UNC79: variants seen among roughly 807,000 people sequenced by gnomAD.
UNC79 encodes the protein protein unc-79 homolog.
Under a neutral mutation model 283.1 loss-of-function variants are expected in UNC79, and 37 were observed. The observed-to-expected ratio is 0.13, with a 90% CI of 0.10 to 0.17. The LOEUF is 0.17. UNC79 is among the 10% of genes least tolerant of loss of function. The probability of loss-of-function intolerance (pLI) is 1.00; values close to 1 mark genes in which losing one functional copy is unlikely to be tolerated. For synonymous variants in UNC79, 1,107 were observed against 1,200.2 expected (o/e 0.92, Z 1.61); for missense variants, 2,272 against 3,211.1 (o/e 0.71, Z 7.07).
intron 1 of UNC79, among the ~76,000 whole-genome samples, chr14:93,431,257 A>G (rs2055864417): frequency 6.6e-6 from 1 of 151,836 alleles, no homozygotes; most frequent in African/African-American, 2.4e-5. Flanking sequence ...GCTGAAAAAT[A>G]ATACGGTCTT....
intron 5 of UNC79, among the ~76,000 whole-genome samples, chr14:93,493,840 G>A (rs1191798283): frequency 1.4e-5 from 2 of 146,212 alleles, no homozygotes; most frequent in Non-Finnish European, 3.0e-5. Context: ...TTACATGGCT[G>A]GAGCAGGAGG....
intron 1 of UNC79, among the ~76,000 whole-genome samples, chr14:93,424,098 C>T (rs531926069): frequency 3.3e-5 from 5 of 152,042 alleles, no homozygotes; most frequent in African/African-American, 7.2e-5. Flanking sequence ...AAATGGCAAA[C>T]GGGCATATGA....
At chr14:93,649,558 A>G in intron 35 of UNC79, among the ~76,000 whole-genome samples, 1 of 152,144 alleles carries the variant, frequency 6.6e-6, no homozygotes, top group East Asian at 1.9e-4. Context: ...TTTTGTATAC[A>G]GTTGTTTCTT....
rs566926758 is a variant in UNC79, at chr14:93,623,109, T to A, written c.5608+268T>A. Among the ~76,000 whole-genome samples, 2 of 152,350 alleles carry A rather than the reference T, an allele frequency of 1.3e-5. 1 individual carries two copies. The highest frequency in any genetic ancestry group is 4.8e-5 in the African/African-American group (2 of 41,582). On this transcript the variant is annotated intron_variant, in intron 30 of 48. Coordinates refer to ENST00000555664, the Ensembl canonical transcript of UNC79. ...TGACCACCCTTGGCAATGAGATGCATTGGTTAATTCGTATCAGGATAATCC... is the reference window on the plus strand; with the variant it reads ...TGACCACCCTTGGCAATGAGATGCAATGGTTAATTCGTATCAGGATAATCC...
chr14:93,405,891 A>G (rs904716748), intron 1 of UNC79, among the ~76,000 whole-genome samples: 1 of 152,220 alleles, frequency 6.6e-6, no homozygotes, highest in Non-Finnish European at 1.5e-5. Context: ...ACTTTCCCCA[A>G]TATCAGAAGA....
At chr14:93,630,027 G>A (rs978185237) in intron 30 of UNC79, among the ~76,000 whole-genome samples, 2 of 152,198 alleles carry the variant, frequency 1.3e-5, no homozygotes, top group African/African-American at 4.8e-5. Context: ...TCCCATTACT[G>A]ATAGGTTAAT....
At chr14:93,344,080 C>T (rs761145639) in intron 1 of UNC79, among the ~76,000 whole-genome samples, 1 of 152,112 alleles carries the variant, frequency 6.6e-6, no homozygotes, top group Non-Finnish European at 1.5e-5. Context: ...TTGGAGTCAC[C>T]ACTGTCGAAA....
At chr14:93,432,841 G>A (rs868423992) in intron 1 of UNC79, among the ~76,000 whole-genome samples, 14 of 152,240 alleles carry the variant, frequency 9.2e-5, no homozygotes, top group African/African-American at 2.9e-4. Context: ...TACATATTAC[G>A]TAAGTAATTT....
chr14:93,651,347 A>T (rs2070236243), intron 35 of UNC79, among the ~76,000 whole-genome samples: 1 of 152,216 alleles, frequency 6.6e-6, no homozygotes, highest in African/African-American at 2.4e-5. Context: ...GTATTGAAAG[A>T]ACAAATCAAT....
chr14:93,506,842 C>T lies in UNC79; in HGVS notation c.898+9556C>T, dbSNP rs374019906. Among the ~76,000 whole-genome samples the T allele has an allele frequency of 7.9e-5, 12 of 152,176 alleles. No homozygotes were observed. The South Asian group carries it at 2.3e-3, about 29-fold the overall frequency. On this transcript the variant is annotated intron_variant, in intron 7 of 48. Coordinates refer to ENST00000555664, the Ensembl canonical transcript of UNC79. Reference sequence around the variant, plus strand: ...GACAAATGTATAATGCTCATGTAGTCGTCATCCAAAAAAGACAATGGAATG... The same window carrying T: ...GACAAATGTATAATGCTCATGTAGTTGTCATCCAAAAAAGACAATGGAATG...
chr14:93,505,075 G>C (rs548314083), intron 7 of UNC79, among the ~76,000 whole-genome samples: 6 of 152,006 alleles, frequency 3.9e-5, no homozygotes, highest in Non-Finnish European at 8.8e-5. Context: ...TTTTGTAAAT[G>C]TTCCTGTGTA....
At chr14:93,442,657 T>G (rs1287457269) in intron 1 of UNC79, among the ~76,000 whole-genome samples, 1 of 152,222 alleles carries the variant, frequency 6.6e-6, no homozygotes, top group Non-Finnish European at 1.5e-5. Context: ...ACATACATAT[T>G]AAGATACGTC....
chr14:93,583,643 G>A (rs1315469580), intron 20 of UNC79, among the ~76,000 whole-genome samples: 2 of 152,158 alleles, frequency 1.3e-5, no homozygotes, highest in Non-Finnish European at 1.5e-5. Flanking sequence ...TTTTCGGTGT[G>A]CACTTCTTGA....
chr14:93,667,857 A>T (rs1271824526), intron 40 of UNC79, among the ~76,000 whole-genome samples: 1 of 152,228 alleles, frequency 6.6e-6, no homozygotes, highest in Non-Finnish European at 1.5e-5. Flanking sequence ...AAATGTTTAA[A>T]TATTAGAACA....
intron 1 of UNC79, among the ~76,000 whole-genome samples, chr14:93,334,361 G>A (rs1281080587): frequency 6.6e-6 from 1 of 152,230 alleles, no homozygotes; most frequent in East Asian, 1.9e-4. Flanking sequence ...AAGGTTTGGA[G>A]ATTGTAGCAG....
intron 18 of UNC79, 27 bp from the exon 19 acceptor site, chr14:93,580,122 G>C: frequency 1.9e-6 from 3 of 1,582,420 alleles, no homozygotes; most frequent in South Asian, 1.1e-5. Context: ...GTGTGTGTGC[G>C]TGTGTCCTTT....
intron 24 of UNC79, among the ~76,000 whole-genome samples, chr14:93,600,132 G>A (rs552634710): frequency 5.3e-4 from 80 of 152,064 alleles, no homozygotes; most frequent in Non-Finnish European, 2.8e-4. Flanking sequence ...CCCGGGAGGC[G>A]GAGGTTGCAG....
intron 27 of UNC79, among the ~76,000 whole-genome samples, chr14:93,615,829 C>T (rs757158428): frequency 4.0e-5 from 6 of 150,484 alleles, no homozygotes; most frequent in Non-Finnish European, 7.4e-5. Flanking sequence ...TGTATAACTC[C>T]AGAAAACCCG....
chr14:93,455,813 C>T (rs1441726894), intron 1 of UNC79, among the ~76,000 whole-genome samples: 2 of 152,026 alleles, frequency 1.3e-5, no homozygotes, highest in Non-Finnish European at 2.9e-5. Flanking sequence ...ACTTTATCCA[C>T]GTTCTCATAG....
Sources: allele counts gnomAD v4.1 joint callset (sites outside exome capture counted in the v4.1 genomes callset), GRCh38; gene constraint gnomAD v4.1.1; transcripts MANE v1.5; gene names NCBI Gene and HGNC (gene_info 2026-07-23, HGNC 2026-07-21).